Variants in RCOR1 observed in about 807,000 individuals in gnomAD.
The protein encoded by RCOR1 is REST corepressor 1.
RCOR1 carries 12 observed loss-of-function variants against 64.0 expected under a neutral mutation model. That is an observed-to-expected ratio of 0.19 (90% CI 0.12 to 0.30). The LOEUF (loss-of-function observed/expected upper bound fraction) is 0.30. RCOR1 is among the 10% of genes least tolerant of loss of function. The pLI is 1.00. For missense variants in RCOR1, 502 were observed against 621.2 expected, an observed-to-expected ratio of 0.81 and a Z score of 2.04; for synonymous variants, 279 against 227.2, an observed-to-expected ratio of 1.23 and a Z score of -2.05.
chr14:102,667,166 C>T (rs1567428676), intron 2 of RCOR1, among the ~76,000 whole-genome samples: 1 of 152,060 alleles, frequency 6.6e-6, no homozygotes, highest in Non-Finnish European at 1.5e-5. Context: ...TATCACTGCA[C>T]TCCATCCTGG....
chr14:102,655,168 A>G lies in RCOR1; in HGVS notation c.362-26727A>G, dbSNP rs79408229. ...ATTTTGTTGAATATTTGGATAGGCA[A>G]TACAGGCATATGGTACAAAATTAAA... On this transcript the variant is annotated intron_variant, in intron 2 of 11. Transcript: ENST00000262241. The G allele has an allele frequency of 2.9e-5, 19 of 647,940 alleles. No individual in the cohort carries two copies. The East Asian group carries it at 2.5e-3, about 86-fold the overall frequency. The allele number at this position is 647,940 out of a possible 1,614,324, so 40.1% of individuals were successfully genotyped here. A position where few individuals can be genotyped will look rare whatever the true frequency, so the allele number is the denominator to read the frequency against.
chr14:102,707,638 G>T, intron 5 of RCOR1, 126 bp downstream of exon 5: 1 of 845,296 alleles, frequency 1.2e-6, no homozygotes, highest in Non-Finnish European at 1.8e-6. Context: ...TTCCCCTTTA[G>T]ATTCAGCTTA....
At chr14:102,701,690 C>G (rs1895761141) in intron 4 of RCOR1, among the ~76,000 whole-genome samples, 1 of 152,190 alleles carries the variant, frequency 6.6e-6, no homozygotes. Flanking sequence ...TTTTCACATT[C>G]TTACCTAAAG....
At chr14:102,667,183 A>G (rs1202604978) in intron 2 of RCOR1, among the ~76,000 whole-genome samples, 1 of 152,104 alleles carries the variant, frequency 6.6e-6, no homozygotes, top group Admixed American at 6.6e-5. Flanking sequence ...CTGGACAAAC[A>G]GGGCAAGACC....
intron 2 of RCOR1, among the ~76,000 whole-genome samples, chr14:102,677,345 C>G (rs1265651729): frequency 2.8e-5 from 4 of 141,688 alleles, no homozygotes; most frequent in South Asian, 2.2e-4. Context: ...GCTGACCCCC[C>G]CCCCACCTCC....
At chr14:102,712,947 GTTTT>G (rs67246962) in intron 7 of RCOR1, among the ~76,000 whole-genome samples, 1,128 of 77,732 alleles carry the variant, frequency 0.015, 11 homozygotes, top group African/African-American at 0.049. Flanking sequence ...CTAAATCATT[GTTTT>G]TTTTTTTTTT....
chr14:102,600,215 G>A (rs1048958454), intron 2 of RCOR1, among the ~76,000 whole-genome samples: 1 of 151,122 alleles, frequency 6.6e-6, no homozygotes, highest in Non-Finnish European at 1.5e-5. Context: ...GCCTCTCTGA[G>A]TAGCTGGGAT....
intron 2 of RCOR1, among the ~76,000 whole-genome samples, chr14:102,612,395 G>C (rs139293863): frequency 1.1e-3 from 168 of 151,410 alleles, no homozygotes; most frequent in South Asian, 1.7e-3. Flanking sequence ...TAGTAGAGAC[G>C]GGGTTTTGGG....
At chr14:102,657,151 T>C (rs200990395) in intron 2 of RCOR1, 1 of 984,320 alleles carries the variant, frequency 1.0e-6, no homozygotes, top group Non-Finnish European at 1.2e-6. Flanking sequence ...CCAAAACACA[T>C]AGGGTAGAAA....
chr14:102,662,518 G>A (rs2139941283), intron 2 of RCOR1: 3 of 512,924 alleles, frequency 5.8e-6, no homozygotes, highest in East Asian at 5.2e-5. Flanking sequence ...TCCTGGGGGC[G>A]CTCTTCTGAG....
At position 102,600,190 on chromosome 14, in the gene RCOR1, C is replaced by T. The variant is rs569434517; in HGVS notation, c.361+6865C>T. ...CAAGCTCCGCCTCCCGGGTTCACGC[C>T]CTTCTCCTGCCTCAGCCTCTCTGAG... On this transcript the variant is annotated intron_variant, in intron 2 of 11. Transcript: ENST00000262241. 1.2e-4 allele frequency among the ~76,000 whole-genome samples: 18 copies of T among 151,490 alleles called. No homozygotes were observed. In the South Asian group the frequency reaches 3.5e-3, roughly 30 times the overall value.
intron 2 of RCOR1, among the ~76,000 whole-genome samples, chr14:102,672,311 G>A (rs974345405): frequency 1.3e-5 from 2 of 151,852 alleles, no homozygotes; most frequent in South Asian, 2.1e-4. Flanking sequence ...CTCCTGTTAC[G>A]CCATTTTCCT....
chr14:102,653,972 TTTCTTTC>T (rs1894659816), intron 2 of RCOR1, among the ~76,000 whole-genome samples: 2 of 49,964 alleles, frequency 4.0e-5, no homozygotes, highest in East Asian at 4.0e-4. Flanking sequence ...TCTTTCTTTC[TTTCTTTC>T]TTTCTTTTTT....
At chr14:102,635,186 T>C (rs1894211050) in intron 2 of RCOR1, among the ~76,000 whole-genome samples, 1 of 152,138 alleles carries the variant, frequency 6.6e-6, no homozygotes, top group South Asian at 2.1e-4. Flanking sequence ...TCAGTATATA[T>C]GTCTAAAATC....
intron 2 of RCOR1, among the ~76,000 whole-genome samples, chr14:102,602,085 G>T (rs1288758411): frequency 1.3e-5 from 2 of 151,944 alleles, no homozygotes; most frequent in Non-Finnish European, 2.9e-5. Context: ...CTTGAGCCCG[G>T]GAGGCGGAGA....
intron 2 of RCOR1, among the ~76,000 whole-genome samples, chr14:102,623,383 ATTTATTATTTAT>A (rs1256056352): frequency 8.0e-6 from 1 of 125,388 alleles, no homozygotes; most frequent in African/African-American, 3.9e-5. Flanking sequence ...TCCTTTATTT[ATTTATTATTTAT>A]TTATTTATTT....
At chr14:102,680,275 G>A (rs186484236) in intron 2 of RCOR1, among the ~76,000 whole-genome samples, 1 of 151,974 alleles carries the variant, frequency 6.6e-6, no homozygotes, top group Admixed American at 6.5e-5. Context: ...CCATTTTGTA[G>A]ATTCTACAAA....
intron 2 of RCOR1, among the ~76,000 whole-genome samples, chr14:102,596,670 T>G (rs1024205870): frequency 1.3e-5 from 2 of 151,640 alleles, no homozygotes; most frequent in Admixed American, 6.6e-5. Context: ...GTTCAAGTGA[T>G]TCTCCTGCCT....
intron 2 of RCOR1, among the ~76,000 whole-genome samples, chr14:102,675,244 C>T (rs1351323510): frequency 6.6e-6 from 1 of 151,878 alleles, no homozygotes. Context: ...GACATGTATA[C>T]AATACTCCTC....
Sources: allele counts gnomAD v4.1 joint callset (sites outside exome capture counted in the v4.1 genomes callset), GRCh38; gene constraint gnomAD v4.1.1; transcripts MANE v1.5; gene names NCBI Gene and HGNC (gene_info 2026-07-23, HGNC 2026-07-21).